CDH22: variants seen among roughly 807,000 people sequenced by gnomAD.
CDH22 encodes cadherin-22.
In CDH22, 30 loss-of-function variants were observed where a neutral mutation model predicts 58.4. That is an observed-to-expected ratio of 0.51 (90% CI 0.38 to 0.70). The LOEUF is 0.70. Among genes scored for constraint, CDH22 ranks in the 30% least tolerant of loss-of-function variants. The probability of loss-of-function intolerance (pLI) is 0.00; values close to 1 mark genes in which losing one functional copy is unlikely to be tolerated. For synonymous variants in CDH22, 513 were observed against 558.2 expected (o/e 0.92, Z 1.14); for missense variants, 1,014 against 1,233.9 (o/e 0.82, Z 2.67).
At chr20:46,175,204 T>C in intron 11 of CDH22, 127 bp from the exon 12 acceptor site, 1 of 877,686 alleles carries the variant, frequency 1.1e-6, no homozygotes, top group Non-Finnish European at 1.7e-6. Context: ...TCCTACAGAT[T>C]TCCTGGATTT....
intron 1 of CDH22, among the ~76,000 whole-genome samples, chr20:46,296,672 A>G (rs554224193): frequency 6.6e-6 from 1 of 152,326 alleles, no homozygotes; most frequent in South Asian, 2.1e-4. Context: ...ACCATGTCAG[A>G]TGATGAGTTG....
intron 11 of CDH22, among the ~76,000 whole-genome samples, chr20:46,176,899 A>G (rs901647857): frequency 5.3e-5 from 8 of 152,262 alleles, no homozygotes; most frequent in Non-Finnish European, 1.0e-4. Flanking sequence ...CGTCACCTTT[A>G]GAGCACTGAT....
chr20:46,243,943 C>T (rs1288215091), intron 2 of CDH22, among the ~76,000 whole-genome samples: 1 of 152,174 alleles, frequency 6.6e-6, no homozygotes, highest in Non-Finnish European at 1.5e-5. Flanking sequence ...GTGTGGAAAG[C>T]ACGCTTCTGA....
At chr20:46,230,438 C>A (rs1225255923) in intron 3 of CDH22, among the ~76,000 whole-genome samples, 1 of 152,164 alleles carries the variant, frequency 6.6e-6, no homozygotes, top group Non-Finnish European at 1.5e-5. Context: ...TGAAAATCAA[C>A]ATGTGGCTCT....
At position 46,193,457 on chromosome 20, in the gene CDH22, C is replaced by T. The variant is rs148393881; in HGVS notation, c.1423+5966G>A. ...CCTGACAGCCTCCCATATGTTCCCCCGACTCCATGTTTGCCCCCTCCAAGC... is the reference window on the plus strand; with the variant it reads ...CCTGACAGCCTCCCATATGTTCCCCTGACTCCATGTTTGCCCCCTCCAAGC... On this transcript the variant is annotated intron_variant, in intron 8 of 11. Coordinates refer to ENST00000537909, the MANE Select transcript of CDH22 (RefSeq NM_021248.3). Among the ~76,000 whole-genome samples the T allele has an allele frequency of 5.9e-3, 898 of 152,284 alleles. 7 individuals carry two copies. The highest frequency in any genetic ancestry group is 0.02 in the African/African-American group (842 of 41,542).
chr20:46,191,462 G>C (rs1471351036), intron 8 of CDH22, among the ~76,000 whole-genome samples: 1 of 152,198 alleles, frequency 6.6e-6, no homozygotes, highest in Non-Finnish European at 1.5e-5. Context: ...AGAGGAGACG[G>C]GGCCTGGCCT....
chr20:46,280,793 G>C (rs1190423425), intron 1 of CDH22, among the ~76,000 whole-genome samples: 2 of 152,216 alleles, frequency 1.3e-5, no homozygotes, highest in Non-Finnish European at 2.9e-5. Context: ...AAATGTGTAT[G>C]GTGGGCACTC....
intron 1 of CDH22, among the ~76,000 whole-genome samples, chr20:46,278,245 CA>C (rs982501539): frequency 3.3e-5 from 5 of 152,212 alleles, no homozygotes; most frequent in African/African-American, 1.2e-4. Context: ...TGCTGGCCAC[CA>C]GCCCAGCCTG....
intron 4 of CDH22, 127 bp downstream of exon 4, chr20:46,227,381 G>T: frequency 1.1e-6 from 1 of 874,580 alleles, no homozygotes; most frequent in Non-Finnish European, 1.8e-6. Flanking sequence ...TGCACAAGGT[G>T]CCCCCTGTGC....
chr20:46,289,764 G>A (rs915434235), intron 1 of CDH22, among the ~76,000 whole-genome samples: 1 of 152,184 alleles, frequency 6.6e-6, no homozygotes, highest in Non-Finnish European at 1.5e-5. Context: ...AAGGACCTGG[G>A]GTCACCTGGG....
At chr20:46,178,913 C>G (rs1044670168) in intron 10 of CDH22, among the ~76,000 whole-genome samples, 1 of 152,136 alleles carries the variant, frequency 6.6e-6, no homozygotes, top group Non-Finnish European at 1.5e-5. Context: ...AGCATTGAGG[C>G]CTTCTCCACA....
intron 10 of CDH22, among the ~76,000 whole-genome samples, chr20:46,178,596 T>TTTTTTTTTTTTTTTC: frequency 7.0e-6 from 1 of 142,504 alleles, no homozygotes; most frequent in Non-Finnish European, 1.6e-5. Context: ...CTTTTTTTTT[T>TTTTTTTTTTTTTTTC]TTTTTTTTTT....
intron 6 of CDH22, among the ~76,000 whole-genome samples, chr20:46,211,249 A>C (rs1255965950): frequency 2.0e-5 from 3 of 152,188 alleles, no homozygotes; most frequent in Non-Finnish European, 4.4e-5. Flanking sequence ...TAGCAACGAA[A>C]AAGCCATGTC....
At chr20:46,176,357 G>A (rs2085738718) in intron 11 of CDH22, among the ~76,000 whole-genome samples, 1 of 152,136 alleles carries the variant, frequency 6.6e-6, no homozygotes, top group South Asian at 2.1e-4. Flanking sequence ...AACTTAACAG[G>A]TTCAAAGGTG....
chr20:46,184,634 C>T (rs769032817), intron 10 of CDH22, among the ~76,000 whole-genome samples: 2 of 152,112 alleles, frequency 1.3e-5, no homozygotes, highest in African/African-American at 2.4e-5. Flanking sequence ...TTCCAGGACC[C>T]GGAGCAGACC....
At chr20:46,186,757 G>T (rs1157592325) in intron 9 of CDH22, 52 bp from the exon 10 acceptor site, 4 of 1,602,356 alleles carry the variant, frequency 2.5e-6, no homozygotes, top group Non-Finnish European at 3.4e-6. Context: ...AGACCACTCT[G>T]GGTCGAGGTA....
At chr20:46,192,915 GCCC>G (rs200758518) in intron 8 of CDH22, among the ~76,000 whole-genome samples, 5 of 149,972 alleles carry the variant, frequency 3.3e-5, no homozygotes, top group African/African-American at 4.9e-5. Context: ...CTGTCCCCAT[GCCC>G]CCCCCCAGTG....
chr20:46,229,763 A>G lies in CDH22; in HGVS notation c.551-2136T>C, dbSNP rs566914797. ...GGTGCTGAAATGGGAGAAGATACAT[A>G]AAGCATCAGGCTTATGGTGGGTGCA... On this transcript the variant is annotated intron_variant, in intron 3 of 11. Transcript: ENST00000537909. Among the ~76,000 whole-genome samples the G allele has an allele frequency of 1.8e-4, 28 of 152,232 alleles. No individual in the cohort carries two copies. In the South Asian group the frequency reaches 5.4e-3, roughly 29 times the overall value.
chr20:46,265,137 A>T (rs147547304), intron 1 of CDH22, among the ~76,000 whole-genome samples: 49 of 152,194 alleles, frequency 3.2e-4, no homozygotes, highest in African/African-American at 1.0e-3. Flanking sequence ...CCCTGTCAGA[A>T]CTCACTGCAG....
Sources: allele counts gnomAD v4.1 joint callset (sites outside exome capture counted in the v4.1 genomes callset), GRCh38; gene constraint gnomAD v4.1.1; transcripts MANE v1.5; gene names NCBI Gene and HGNC (gene_info 2026-07-23, HGNC 2026-07-21).